Variants in ARHGAP23 observed in about 807,000 individuals in gnomAD.
ARHGAP23 encodes Rho GTPase activating protein 23.
ARHGAP23 carries 34 observed loss-of-function variants against 136.3 expected under a neutral mutation model. The ratio of observed to expected loss-of-function variants is 0.25; its 90% CI spans 0.19 to 0.33. The LOEUF (loss-of-function observed/expected upper bound fraction) is 0.33. Among genes scored for constraint, ARHGAP23 ranks in the 10% least tolerant of loss-of-function variants. The pLI is 1.00. For synonymous variants in ARHGAP23, 832 were observed against 920.5 expected (o/e 0.90, Z 1.74); for missense variants, 1,808 against 2,139.0 (o/e 0.85, Z 3.05).
At position 38,437,629 on chromosome 17, in the gene ARHGAP23, CCA is replaced by C. The variant is rs199549220; in HGVS notation, c.63+9082_63+9083del. Reference sequence around the variant, plus strand: ...AAGACCCTACCCACCCCTACCCCCCCCAAAAAATATTAAAGCTGGGTCTTTCA... The same window carrying C: ...AAGACCCTACCCACCCCTACCCCCCCAAAAATATTAAAGCTGGGTCTTTCA... On this transcript the variant is annotated intron_variant, in intron 1 of 23. Coordinates refer to ENST00000622683, the MANE Select transcript of ARHGAP23 (RefSeq NM_001199417.2). Among the ~76,000 whole-genome samples, 132 of 151,894 alleles carry C rather than the reference CCA, an allele frequency of 8.7e-4. 4 individuals carry two copies. In the East Asian group the frequency reaches 0.025, roughly 29 times the overall value.
At chr17:38,436,862 A>G (rs1567774750) in intron 1 of ARHGAP23, among the ~76,000 whole-genome samples, 1 of 152,252 alleles carries the variant, frequency 6.6e-6, no homozygotes, top group Non-Finnish European at 1.5e-5. Flanking sequence ...GTGTGGTCAC[A>G]AAGGCGATAA....
chr17:38,498,500 C>T lies in ARHGAP23; in HGVS notation c.3405C>T (p.Asp1135=). Residue 1135 remains aspartate, a synonymous_variant, in exon 22 of 24, where the codon GAC becomes GAT. Coordinates refer to ENST00000622683, the MANE Select transcript of ARHGAP23 (RefSeq NM_001199417.2). ...TTGGCAGGACAGTGCCCCCTGGCGA[C>T]CCGGGGTCAGGTGAGCGCAGGGGCC... ...PNIGRTVPPG[D]PGSDSTTCSS... The T allele has an allele frequency of 6.5e-7, 1 of 1,547,422 alleles. No homozygotes were observed. The highest frequency in any genetic ancestry group is 8.7e-7 in the Non-Finnish European group (1 of 1,145,708).
intron 16 of ARHGAP23, among the ~76,000 whole-genome samples, chr17:38,484,422 T>C (rs1392624272): frequency 6.6e-6 from 1 of 151,860 alleles, no homozygotes; most frequent in Non-Finnish European, 1.5e-5. Context: ...AAACAGGCGC[T>C]ATATTGAGCC....
chr17:38,498,582 G>T, intron 22 of ARHGAP23, 72 bp downstream of exon 22: 3 of 1,287,330 alleles, frequency 2.3e-6, no homozygotes, highest in Non-Finnish European at 3.2e-6. Context: ...CAGGTGCCTG[G>T]CCAGATGCCC....
chr17:38,470,416 A>T (rs939464270), intron 10 of ARHGAP23, among the ~76,000 whole-genome samples: 5 of 152,058 alleles, frequency 3.3e-5, no homozygotes, highest in Non-Finnish European at 5.9e-5. Flanking sequence ...TCTTGTCTTC[A>T]TGGGATGGGG....
intron 23 of ARHGAP23, among the ~76,000 whole-genome samples, chr17:38,506,950 T>C (rs918420086): frequency 2.6e-5 from 4 of 152,100 alleles, no homozygotes; most frequent in African/African-American, 4.8e-5. Context: ...AGGTGCTCCG[T>C]GTGTGTCGGA....
Position 38,491,543 on chromosome 17 carries a change from G to T in ARHGAP23, c.3276+11G>T, listed in dbSNP as rs2040278728. The T allele has an allele frequency of 1.9e-6, 3 of 1,549,292 alleles. No homozygotes were observed. In the African/African-American group the frequency reaches 4.1e-5, roughly 21 times the overall value. ...ACACTGATCCAGCACGTAAGCCCCT[G>T]TTCCGGGGGGCGCCCGGCAGCCCCT... On this transcript the variant is annotated intron_variant, in intron 20 of 23. Transcript: ENST00000622683.
At chr17:38,426,550 CAAAAAAAA>C (rs751365956), upstream of ARHGAP23, among the ~76,000 whole-genome samples, 1 of 51,230 alleles carries the variant, frequency 2.0e-5, no homozygotes, top group Admixed American at 2.6e-4. Context: ...AACTCCATCT[CAAAAAAAA>C]AAAAAAAAAA....
chr17:38,487,692 C>T (rs534150340), intron 17 of ARHGAP23, among the ~76,000 whole-genome samples: 5 of 152,050 alleles, frequency 3.3e-5, no homozygotes, highest in South Asian at 2.1e-4. Context: ...GGTGAAACCC[C>T]GTCTCTACTA....
At chr17:38,500,457 C>T in intron 22 of ARHGAP23, 140 bp from the exon 23 acceptor site, 1 of 727,120 alleles carries the variant, frequency 1.4e-6, no homozygotes, top group South Asian at 1.7e-5. Flanking sequence ...GTCCATCATA[C>T]TCCTAGGGCC....
chr17:38,493,977 C>T (rs2040334430), intron 20 of ARHGAP23, among the ~76,000 whole-genome samples: 1 of 152,068 alleles, frequency 6.6e-6, no homozygotes, highest in Non-Finnish European at 1.5e-5. Context: ...AGCCTCAGCA[C>T]TAGTGAGCGC....
Position 38,439,345 on chromosome 17 carries a change from C to A in ARHGAP23, c.63+10797C>A, listed in dbSNP as rs57431005. On this transcript the variant is annotated intron_variant, in intron 1 of 23. Coordinates refer to ENST00000622683, the MANE Select transcript of ARHGAP23 (RefSeq NM_001199417.2). ...ATATCTTCCGTAAAGCCTCCCTCCA[C>A]CACTCAAATATATGGCGACTTCCTC... is the stretch of plus-strand genomic sequence containing the variant. Among the ~76,000 whole-genome samples, 214 of 152,314 alleles carry A rather than the reference C, an allele frequency of 1.4e-3. 1 individual carries two copies. Among genetic ancestry groups the A allele is most frequent in the African/African-American group, 4.7e-3 (195 of 41,554 alleles).
At position 38,464,552 on chromosome 17, in the gene ARHGAP23, G is replaced by C. The variant is rs561980954; in HGVS notation, c.483+1170G>C. On this transcript the variant is annotated intron_variant, in intron 6 of 23. Coordinates refer to ENST00000622683, the MANE Select transcript of ARHGAP23 (RefSeq NM_001199417.2). Reference sequence around the variant, plus strand: ...TCTGGAAACCTCCACCCCTGACCTCGATTGTCCCCTTGCTCTTCCTGGGGA... The same window carrying C: ...TCTGGAAACCTCCACCCCTGACCTCCATTGTCCCCTTGCTCTTCCTGGGGA... Among the ~76,000 whole-genome samples the C allele has an allele frequency of 5.3e-5, 8 of 152,184 alleles. No individual in the cohort carries two copies. The South Asian group carries it at 1.7e-3, about 31-fold the overall frequency.
Position 38,460,894 on chromosome 17 carries a change from G to T in ARHGAP23, c.226-11G>T. On this transcript the variant is annotated splice_polypyrimidine_tract_variant and intron_variant, in intron 2 of 23. Transcript: ENST00000622683. Reference sequence around the variant, plus strand: ...GACTGACGCCCACACCCACTCCTCTGTTCCCTGCAGGAGGAAGAGAATGGA... The same window carrying T: ...GACTGACGCCCACACCCACTCCTCTTTTCCCTGCAGGAGGAAGAGAATGGA... 1 of 1,536,074 alleles carries T rather than the reference G, an allele frequency of 6.5e-7. No individual in the cohort carries two copies. The highest frequency in any genetic ancestry group is 8.7e-7 in the Non-Finnish European group (1 of 1,146,876).
intron 12 of ARHGAP23, among the ~76,000 whole-genome samples, chr17:38,479,161 C>T (rs1292707642): frequency 2.0e-5 from 3 of 152,162 alleles, no homozygotes; most frequent in Non-Finnish European, 4.4e-5. Context: ...AGGACGGTGG[C>T]GAGTGCTGCA....
At chr17:38,427,525 C>G (rs1387660314), upstream of ARHGAP23, among the ~76,000 whole-genome samples, 1 of 151,306 alleles carries the variant, frequency 6.6e-6, no homozygotes, top group Admixed American at 6.6e-5. Flanking sequence ...AGGGGATGGG[C>G]TGGAGGGGGT....
chr17:38,485,291 T>C (rs2040135797), intron 16 of ARHGAP23, among the ~76,000 whole-genome samples: 1 of 152,162 alleles, frequency 6.6e-6, no homozygotes, highest in South Asian at 2.1e-4. Flanking sequence ...TCAAATGTCC[T>C]CTGTGGGTGG....
chr17:38,434,626 C>A (rs2038754710), intron 1 of ARHGAP23, among the ~76,000 whole-genome samples: 1 of 152,176 alleles, frequency 6.6e-6, no homozygotes, highest in South Asian at 2.1e-4. Context: ...CGCGTGGGAG[C>A]CATGTGGGAG....
At chr17:38,440,724 G>A (rs1453613763) in intron 1 of ARHGAP23, among the ~76,000 whole-genome samples, 2 of 152,246 alleles carry the variant, frequency 1.3e-5, no homozygotes, top group African/African-American at 4.8e-5. Context: ...CAAGTGGCCG[G>A]ACAGGGGCCG....
Sources: allele counts gnomAD v4.1 joint callset (sites outside exome capture counted in the v4.1 genomes callset), GRCh38; gene constraint gnomAD v4.1.1; transcripts MANE v1.5; gene names NCBI Gene and HGNC (gene_info 2026-07-23, HGNC 2026-07-21).